RAB7B: variants seen among roughly 807,000 people sequenced by gnomAD.
RAB7B encodes RAB7B, member RAS oncogene family.
intron 5 of RAB7B, chr1:205,984,115 C>T (rs1172499018): frequency 6.6e-6 from 1 of 152,290 alleles, no homozygotes; most frequent in African/African-American, 2.4e-5. Flanking sequence ...CAGGAGCCAA[C>T]TACACCGCCC....
intron 4 of RAB7B, among the ~76,000 whole-genome samples, chr1:205,991,651 T>C (rs1380758473): frequency 6.6e-6 from 1 of 152,236 alleles, no homozygotes; most frequent in Non-Finnish European, 1.5e-5. Context: ...TGATGCCTCA[T>C]TTCCATTGCT....
At chr1:205,989,846 C>T (rs893643541) in intron 4 of RAB7B, among the ~76,000 whole-genome samples, 43 of 152,334 alleles carry the variant, frequency 2.8e-4, no homozygotes, top group Middle Eastern at 3.4e-3. Context: ...CCTCCTTCAG[C>T]GGAGTCCTTG....
At chr1:205,979,783 A>C (rs1376346910) in intron 5 of RAB7B, among the ~76,000 whole-genome samples, 3 of 152,160 alleles carry the variant, frequency 2.0e-5, no homozygotes, top group Admixed American at 6.5e-5. Context: ...CTACATTGGC[A>C]TGGACCTGAG....
At chr1:205,994,228 T>C in intron 1 of RAB7B, 77 bp from the exon 2 acceptor site, 1 of 397,758 alleles carries the variant, frequency 2.5e-6, no homozygotes, top group Non-Finnish European at 4.4e-6. Flanking sequence ...GCCTCTGCTT[T>C]CCCCTTTCCA....
At chr1:205,979,299 C>T (rs1409599192) in intron 5 of RAB7B, among the ~76,000 whole-genome samples, 1 of 152,162 alleles carries the variant, frequency 6.6e-6, no homozygotes, top group Admixed American at 6.5e-5. Flanking sequence ...GCAAATATCC[C>T]AATACCCCCA....
chr1:205,989,597 T>C (rs1315787620), intron 4 of RAB7B, among the ~76,000 whole-genome samples: 4 of 152,188 alleles, frequency 2.6e-5, no homozygotes, highest in South Asian at 4.2e-4. Context: ...CCTGGTCTCC[T>C]GTGCCCCGAT....
intron 1 of RAB7B, among the ~76,000 whole-genome samples, chr1:206,000,579 C>T (rs1660876614): frequency 6.6e-6 from 1 of 152,348 alleles, no homozygotes; most frequent in East Asian, 1.9e-4. Flanking sequence ...GTGGCTTCCT[C>T]TGCAGGTGAC....
Position 205,976,792 on chromosome 1 carries a change from C to T in RAB7B, c.*2059G>A, listed in dbSNP as rs909728686. 22 of 152,304 alleles carry T rather than the reference C, an allele frequency of 1.4e-4. No individual in the cohort carries two copies. The highest frequency in any genetic ancestry group is 5.3e-4 in the African/African-American group (22 of 41,580). The allele number at this position is 152,304 out of a possible 1,614,324, so 9.4% of individuals were successfully genotyped here. A position where few individuals can be genotyped will look rare whatever the true frequency, so the allele number is the denominator to read the frequency against. ...TTTGTTGTGCACCTTTAGAAATGGTCCACAGGTCCACTGCAGTGCACAAGC... is the reference window on the plus strand; with the variant it reads ...TTTGTTGTGCACCTTTAGAAATGGTTCACAGGTCCACTGCAGTGCACAAGC... On this transcript the variant is annotated 3_prime_UTR_variant, in exon 6 of 6. Transcript: ENST00000617070.
intron 1 of RAB7B, among the ~76,000 whole-genome samples, chr1:205,997,661 G>A (rs1483189032): frequency 6.6e-6 from 1 of 152,206 alleles, no homozygotes; most frequent in Non-Finnish European, 1.5e-5. Flanking sequence ...ATTTTGTAAT[G>A]GATGCTGCTG....
chr1:206,002,725 A>C lies in RAB7B; in HGVS notation c.-17+528T>G, dbSNP rs1321110740. Reference sequence around the variant, plus strand: ...ATAGAACCCAGATCCGTCCGACTCTATTCATTGGCTCCCCTGGCATTGCAG... The same window carrying C: ...ATAGAACCCAGATCCGTCCGACTCTCTTCATTGGCTCCCCTGGCATTGCAG... On this transcript the variant is annotated intron_variant, in intron 1 of 5. Transcript: ENST00000617070. 7.9e-5 allele frequency among the ~76,000 whole-genome samples: 12 copies of C among 152,338 alleles called. No homozygotes were observed. The South Asian group carries it at 1.9e-3, about 24-fold the overall frequency.
intron 5 of RAB7B, among the ~76,000 whole-genome samples, chr1:205,979,687 C>T (rs1226171780): frequency 6.6e-6 from 1 of 152,178 alleles, no homozygotes; most frequent in Non-Finnish European, 1.5e-5. Context: ...TCACAGAGCT[C>T]AATCGCGTTC....
At chr1:205,995,026 G>A (rs1019377690) in intron 1 of RAB7B, among the ~76,000 whole-genome samples, 466 of 152,084 alleles carry the variant, frequency 3.1e-3, no homozygotes, top group African/African-American at 0.01. Flanking sequence ...ACCAAACACT[G>A]CATGTTCTCA....
At chr1:205,985,987 G>C (rs887689867) in intron 4 of RAB7B, among the ~76,000 whole-genome samples, 1 of 152,270 alleles carries the variant, frequency 6.6e-6, no homozygotes, top group African/African-American at 2.4e-5. Flanking sequence ...AGGCTGAGCA[G>C]GATTTGAACA....
chr1:205,985,751 T>TCCCCCCCATCCCCACCAGGCCCAC (rs1571792732), intron 4 of RAB7B, 86 bp from the exon 5 acceptor site: 1 of 179,502 alleles, frequency 5.6e-6, no homozygotes, highest in Non-Finnish European at 9.6e-6. Flanking sequence ...ACCATCCCCA[T>TCCCCCCCATCCCCACCAGGCCCAC]CAGGCCCACC....
rs1660433454 is a variant in RAB7B, at chr1:205,978,811, C to T, written c.*40G>A. ...AAGCCTGGGGTGACCAGGCTCGGGG[C>T]AGGCTCTGTTTCTGGGCTTCCAGAG... On this transcript the variant is annotated 3_prime_UTR_variant, in exon 6 of 6. Coordinates refer to ENST00000617070, the MANE Select transcript of RAB7B (RefSeq NM_001164522.3). The T allele has an allele frequency of 2.5e-6, 1 of 398,544 alleles. No individual in the cohort carries two copies. Among genetic ancestry groups the T allele is most frequent in the Non-Finnish European group, 4.4e-6 (1 of 226,146 alleles). The allele number at this position is 398,544 out of a possible 1,614,324, so 24.7% of individuals were successfully genotyped here.
chr1:205,989,829 C>A (rs1049552731), intron 4 of RAB7B, among the ~76,000 whole-genome samples: 57,348 of 152,010 alleles, frequency 0.38, 14,817 homozygotes, highest in African/African-American at 0.74. Flanking sequence ...CCTCAAACTC[C>A]CAGTCTCCTC....
chr1:205,995,782 G>T (rs960321538), intron 1 of RAB7B, among the ~76,000 whole-genome samples: 8 of 152,134 alleles, frequency 5.3e-5, no homozygotes, highest in African/African-American at 1.4e-4. Flanking sequence ...CAGTTAGCTA[G>T]GAGTAAATTC....
rs1043537236 is a variant in RAB7B at position 206,003,318 on chromosome 1, G to C, written c.-82C>G. The C allele has an allele frequency of 6.6e-6, 1 of 152,242 alleles. No homozygotes were observed. The highest frequency in any genetic ancestry group is 1.5e-5 in the Non-Finnish European group (1 of 68,104). The allele number at this position is 152,242 out of a possible 1,614,324, so 9.4% of individuals were successfully genotyped here. A position where few individuals can be genotyped will look rare whatever the true frequency, so the allele number is the denominator to read the frequency against. ...GCTGGGAGTCCTCTCTCAGTCTGGT[G>C]GTCTCTTCTTAGAGCAGTGGTCTCA... On this transcript the variant is annotated 5_prime_UTR_variant, in exon 1 of 6. Transcript: ENST00000617070.
At chr1:205,986,871 A>G (rs36167682) in intron 4 of RAB7B, among the ~76,000 whole-genome samples, 3,924 of 152,124 alleles carry the variant, frequency 0.026, 91 homozygotes, top group Middle Eastern at 0.041. Context: ...GCCGAGGCAA[A>G]TCAAACACTG....
Sources: allele counts gnomAD v4.1 joint callset (sites outside exome capture counted in the v4.1 genomes callset), GRCh38; gene constraint gnomAD v4.1.1; transcripts MANE v1.5; gene names NCBI Gene and HGNC (gene_info 2026-07-23, HGNC 2026-07-21).